SNRNP70: variants seen among roughly 807,000 people sequenced by gnomAD.
SNRNP70 encodes the protein small nuclear ribonucleoprotein U1 subunit 70.
Under a neutral mutation model 50.5 loss-of-function variants are expected in SNRNP70, and 8 were observed. The observed-to-expected ratio is 0.16, with a 90% CI of 0.09 to 0.29. SNRNP70 has a LOEUF of 0.29. Ranked by LOEUF, SNRNP70 falls within the 10% of genes least tolerant of loss-of-function variation. SNRNP70 has a pLI of 1.00. For missense variants in SNRNP70, 529 were observed against 663.5 expected, an observed-to-expected ratio of 0.80 and a Z score of 2.23; for synonymous variants, 320 against 252.9, an observed-to-expected ratio of 1.27 and a Z score of -2.52.
intron 4 of SNRNP70, among the ~76,000 whole-genome samples, chr19:49,093,516 T>C (rs1568418884): frequency 2.0e-5 from 3 of 151,204 alleles, no homozygotes; most frequent in Non-Finnish European, 4.4e-5. Context: ...CTGTTTCTGC[T>C]AAGAATACAA....
chr19:49,095,220 G>T (rs989910998), intron 4 of SNRNP70, among the ~76,000 whole-genome samples: 2 of 152,240 alleles, frequency 1.3e-5, no homozygotes, highest in Admixed American at 6.5e-5. Context: ...TGCTGGGGTG[G>T]TTTCCCTCTG....
At chr19:49,101,616 CTTT>C (rs1224585730) in intron 7 of SNRNP70, 145 bp downstream of exon 7, 7 of 504,242 alleles carry the variant, frequency 1.4e-5, no homozygotes, top group Non-Finnish European at 2.1e-5. Context: ...TCTGATGTAT[CTTT>C]TTTTTTTTTA....
At position 49,108,032 on chromosome 19, in the gene SNRNP70, G is replaced by T; in HGVS notation, c.903G>T (p.Arg301=). The T allele has an allele frequency of 6.5e-7, 1 of 1,548,062 alleles. No individual in the cohort carries two copies. Among genetic ancestry groups the T allele is most frequent in the Non-Finnish European group, 8.7e-7 (1 of 1,146,618 alleles). ...RSSRSRERAR[R]ERERKEELRG... is the part of the protein sequence containing the mutation. ...GCCGGAGTCGGGAGCGGGCCCGGCG[G>T]GAGCGGGAGCGCAAGGAGGAGCTGC... Residue 301 remains arginine, a synonymous_variant, in exon 10 of 10, where the codon CGG becomes CGT. Coordinates refer to ENST00000598441, the MANE Select transcript of SNRNP70 (RefSeq NM_003089.6).
At chr19:49,103,401 C>A in intron 7 of SNRNP70, 1 of 152,896 alleles carries the variant, frequency 6.5e-6, no homozygotes. Context: ...CACTTCCCCT[C>A]CCTGTAGCTT....
At chr19:49,090,419 G>A (rs1424042356) in intron 3 of SNRNP70, 47 bp from the exon 4 acceptor site, 1 of 1,612,624 alleles carries the variant, frequency 6.2e-7, no homozygotes, top group East Asian at 2.2e-5. Flanking sequence ...TGACACTAGG[G>A]CACTTCTATC....
At chr19:49,088,945 C>T (rs1165495694) in intron 2 of SNRNP70, among the ~76,000 whole-genome samples, 1 of 152,204 alleles carries the variant, frequency 6.6e-6, no homozygotes, top group African/African-American at 2.4e-5. Flanking sequence ...AAGCAGGGCC[C>T]TGCCATCACT....
chr19:49,094,319 T>G (rs944446582), intron 4 of SNRNP70, among the ~76,000 whole-genome samples: 17 of 152,036 alleles, frequency 1.1e-4, no homozygotes, highest in African/African-American at 4.1e-4. Context: ...GTGAATATGG[T>G]GAAACCCTGT....
chr19:49,099,192 C>T (rs1424532010), intron 6 of SNRNP70, among the ~76,000 whole-genome samples: 2 of 152,208 alleles, frequency 1.3e-5, no homozygotes, highest in Non-Finnish European at 1.5e-5. Context: ...CGCATGCCTT[C>T]ACTGGGCAGT....
Position 49,098,678 on chromosome 19 carries a change from T to G in SNRNP70, c.367T>G (p.Phe123Val). The G allele has an allele frequency of 6.2e-7, 1 of 1,613,134 alleles. No individual in the cohort carries two copies. Among genetic ancestry groups the G allele is most frequent in the Non-Finnish European group, 8.5e-7 (1 of 1,179,756 alleles). Reference protein sequence around the residue: ...DTTESKLRREFEVYGPIKRIH... With the variant: ...DTTESKLRREVEVYGPIKRIH... ...AACAGAATCCAAGCTCCGGAGAGAG[T>G]TTGAGGTGTACGGACCTATCAAAAG... Residue 123 changes from phenylalanine to valine, a missense_variant, in exon 6 of 10, where the codon TTT becomes GTT. By Grantham distance (50) the Phe-to-Val change is conservative (BLOSUM62 -1). Around this residue, in one of 4 missense-constraint regions of SNRNP70, gnomAD observed 149 missense variants for 259.7 expected, o/e 0.57. Transcript: ENST00000598441.
Position 49,108,445 on chromosome 19 carries a change from G to C in SNRNP70, c.*2G>C, listed in dbSNP as rs1059034. The C allele has an allele frequency of 3.8e-6, 6 of 1,593,512 alleles. No homozygotes were observed. The highest frequency in any genetic ancestry group is 5.1e-6 in the Non-Finnish European group (6 of 1,170,888). On this transcript the variant is annotated 3_prime_UTR_variant, in exon 10 of 10. Transcript: ENST00000598441. Reference sequence around the variant, plus strand: ...TTGATGGAGGCTGCGCCGGAGTGAAGAGGTCGTCCTCTCCATCTGCTGTGT... The same window carrying C: ...TTGATGGAGGCTGCGCCGGAGTGAACAGGTCGTCCTCTCCATCTGCTGTGT...
chr19:49,095,056 C>T (rs554446196), intron 4 of SNRNP70, among the ~76,000 whole-genome samples: 4 of 152,366 alleles, frequency 2.6e-5, no homozygotes, highest in Admixed American at 1.3e-4. Context: ...GGGCGCTGCC[C>T]GGCATTGGGT....
chr19:49,089,534 A>G (rs1180679572), intron 2 of SNRNP70, among the ~76,000 whole-genome samples: 8 of 152,102 alleles, frequency 5.3e-5, no homozygotes, highest in African/African-American at 1.7e-4. Context: ...GTCAGTGGAC[A>G]TCAAATTGTG....
chr19:49,085,460 C>T lies in SNRNP70; in HGVS notation c.-187C>T, dbSNP rs902588897. 7 of 430,384 alleles carry T rather than the reference C, an allele frequency of 1.6e-5. No homozygotes were observed. The highest frequency in any genetic ancestry group is 3.3e-5 in the South Asian group (2 of 60,892). 26.7% of individuals were successfully genotyped at this position (430,384 alleles called of 1,614,324 possible). A position where few individuals can be genotyped will look rare whatever the true frequency, so the allele number is the denominator to read the frequency against. The stretch of plus-strand genomic sequence containing the variant: ...ACCCACCCCCTGCTCCAGTCGCTAT[C>T]GGAGGCCGCGCGGGTGGCTGAGCAG... On this transcript the variant is annotated 5_prime_UTR_variant, in exon 1 of 10. Transcript: ENST00000598441.
Position 49,090,535 on chromosome 19 carries a change from C to G in SNRNP70, c.265+15C>G, listed in dbSNP as rs545095582. The G allele has an allele frequency of 6.2e-7, 1 of 1,613,064 alleles. No individual in the cohort carries two copies. Among genetic ancestry groups the G allele is most frequent in the East Asian group, 2.2e-5 (1 of 44,860 alleles). On this transcript the variant is annotated intron_variant, in intron 4 of 9. Transcript: ENST00000598441. ...GCTTAAAATGTGTAAGTCTCTCATC[C>G]ACCATTTGGCTCTCTCCTCTCCCAA...
At chr19:49,090,668 C>T in intron 4 of SNRNP70, 148 bp downstream of exon 4, 2 of 737,096 alleles carry the variant, frequency 2.7e-6, no homozygotes, top group Non-Finnish European at 2.3e-6. Flanking sequence ...TGCCACTTCA[C>T]AAGCACTGTT....
intron 1 of SNRNP70, among the ~76,000 whole-genome samples, chr19:49,086,145 GT>G (rs1488242566): frequency 6.6e-6 from 1 of 152,108 alleles, no homozygotes; most frequent in Non-Finnish European, 1.5e-5. Flanking sequence ...CCCACAGCTC[GT>G]GTCAGAGGAC....
intron 4 of SNRNP70, among the ~76,000 whole-genome samples, chr19:49,092,025 G>A (rs2040453369): frequency 6.6e-6 from 1 of 152,002 alleles, no homozygotes; most frequent in South Asian, 2.1e-4. Context: ...TTCTTTTCAT[G>A]TCCATCATCA....
In SNRNP70 at chr19:49,090,741, G is replaced by A. The variant is rs935492320; in HGVS notation, c.265+221G>A. The A allele has an allele frequency of 5.2e-6, 3 of 579,892 alleles. No homozygotes were observed. In the African/African-American group the frequency reaches 5.6e-5, roughly 11 times the overall value. 35.9% of individuals were successfully genotyped at this position (579,892 alleles called of 1,614,324 possible). On this transcript the variant is annotated intron_variant, in intron 4 of 9. Coordinates refer to ENST00000598441, the MANE Select transcript of SNRNP70 (RefSeq NM_003089.6). ...AAGTTGGCAGGAAGGGAGACCCCTG[G>A]TACCTTGGGCTCCTCCTGCATGGGA...
chr19:49,087,365 C>G (rs188215266), intron 2 of SNRNP70, among the ~76,000 whole-genome samples: 119 of 152,184 alleles, frequency 7.8e-4, no homozygotes, highest in Admixed American at 3.5e-3. Flanking sequence ...AGTGGTAGCA[C>G]CCTTATAATG....
Sources: gnomAD v4.1 joint callset for allele counts (sites outside exome capture counted in the v4.1 genomes callset) on GRCh38, gnomAD v4.1.1 for gene constraint, gnomAD v4.1.1 regional missense constraint, MANE v1.5 for transcripts, NCBI Gene and HGNC (gene_info 2026-07-23, HGNC 2026-07-21) for gene names.